The following RANBP2 variants were observed in gnomAD, a reference collection of about 807,000 sequenced individuals.
RANBP2 encodes the protein E3 SUMO-protein ligase RanBP2.
Under a neutral mutation model 303.6 loss-of-function variants are expected in RANBP2, and 57 were observed. The ratio of observed to expected loss-of-function variants is 0.19; its 90% CI spans 0.15 to 0.23. The LOEUF is 0.23. RANBP2 is among the 10% of genes least tolerant of loss of function. The probability of loss-of-function intolerance (pLI) is 1.00; values close to 1 mark genes in which losing one functional copy is unlikely to be tolerated. For synonymous variants in RANBP2, 1,167 were observed against 1,301.5 expected (o/e 0.90, Z 2.23); for missense variants, 3,138 against 3,780.8 (o/e 0.83, Z 4.46).
the RANBP2 span, among the ~76,000 whole-genome samples, chr2:109,607,798 G>C: frequency 1.3e-5 from 2 of 152,052 alleles, no homozygotes; most frequent in African/African-American, 2.4e-5. Flanking sequence ...TTCACCCCTA[G>C]GGAAACTCTG....
chr2:109,439,255 G>A, the RANBP2 span, among the ~76,000 whole-genome samples: 1 of 152,172 alleles, frequency 6.6e-6, no homozygotes, highest in Non-Finnish European at 1.5e-5. Flanking sequence ...TACACACGGG[G>A]AGAGTGAGGC....
At chr2:109,121,178 T>C in the RANBP2 span, among the ~76,000 whole-genome samples, 6 of 151,376 alleles carry the variant, frequency 4.0e-5, no homozygotes, top group Non-Finnish European at 7.4e-5. Flanking sequence ...GCCCAGGAGG[T>C]GGAGCTTGCA....
the RANBP2 span, among the ~76,000 whole-genome samples, chr2:109,477,488 C>A: frequency 6.6e-6 from 1 of 152,218 alleles, no homozygotes; most frequent in African/African-American, 2.4e-5. Flanking sequence ...AGGCCCCCTC[C>A]CGCCAGACAC....
the RANBP2 span, among the ~76,000 whole-genome samples, chr2:109,328,005 T>C: frequency 6.6e-6 from 1 of 152,254 alleles, no homozygotes; most frequent in African/African-American, 2.4e-5. Context: ...GTGCCAAGCT[T>C]ATTCCATATG....
the RANBP2 span, among the ~76,000 whole-genome samples, chr2:109,219,131 C>A: frequency 1.6e-4 from 24 of 152,302 alleles, no homozygotes; most frequent in Non-Finnish European, 2.8e-4. Context: ...GGAGTTCCAC[C>A]TCTCTCGCTC....
At chr2:109,501,554 G>A in the RANBP2 span, 1 of 779,664 alleles carries the variant, frequency 1.3e-6, no homozygotes, top group Non-Finnish European at 2.4e-6. Context: ...AGATCGAGCT[G>A]AAGGAAGGCG....
At chr2:109,672,095 C>T in the RANBP2 span, among the ~76,000 whole-genome samples, 10 of 152,190 alleles carry the variant, frequency 6.6e-5, no homozygotes, top group South Asian at 1.9e-3. Flanking sequence ...AAACTACTCA[C>T]CAGTGTGTTG....
chr2:109,432,321 G>A, the RANBP2 span, among the ~76,000 whole-genome samples: 1 of 152,208 alleles, frequency 6.6e-6, no homozygotes, highest in Non-Finnish European at 1.5e-5. Flanking sequence ...TCGTGGGTTT[G>A]TTATGAGGAG....
chr2:109,003,935 G>C, the RANBP2 span, among the ~76,000 whole-genome samples: 3 of 152,248 alleles, frequency 2.0e-5, no homozygotes, highest in African/African-American at 7.2e-5. Context: ...CTCATGGAGT[G>C]GTGAGGTCTC....
At chr2:108,794,214 A>C in the RANBP2 span, among the ~76,000 whole-genome samples, 1 of 152,174 alleles carries the variant, frequency 6.6e-6, no homozygotes, top group Non-Finnish European at 1.5e-5. Flanking sequence ...TTTAGGGGAG[A>C]GAGGGGAACA....
the RANBP2 span, among the ~76,000 whole-genome samples, chr2:109,153,280 T>C: frequency 7.9e-5 from 12 of 152,238 alleles, no homozygotes; most frequent in Non-Finnish European, 1.8e-4. Context: ...TGTAGGTGTT[T>C]AAGCTGTCAC....
At chr2:109,506,590 G>A in the RANBP2 span, among the ~76,000 whole-genome samples, 1 of 152,196 alleles carries the variant, frequency 6.6e-6, no homozygotes, top group Non-Finnish European at 1.5e-5. Context: ...TCTGCATAGA[G>A]TTGTCACATA....
chr2:109,661,656 G>A, the RANBP2 span, among the ~76,000 whole-genome samples: 1 of 152,174 alleles, frequency 6.6e-6, no homozygotes, highest in Non-Finnish European at 1.5e-5. Flanking sequence ...ACTGGAAAAG[G>A]TAGATAAGGG....
chr2:109,125,237 G>A, the RANBP2 span, among the ~76,000 whole-genome samples: 1 of 152,192 alleles, frequency 6.6e-6, no homozygotes. Context: ...CTCCCAGAGT[G>A]TGGTGGGGGA....
the RANBP2 span, among the ~76,000 whole-genome samples, chr2:109,655,682 C>CA: frequency 6.6e-6 from 1 of 151,982 alleles, no homozygotes; most frequent in Non-Finnish European, 1.5e-5. Flanking sequence ...ACAATAACAA[C>CA]AAAAAACCCT....
At chr2:108,980,734 G>T in the RANBP2 span, among the ~76,000 whole-genome samples, 4 of 152,056 alleles carry the variant, frequency 2.6e-5, no homozygotes, top group Admixed American at 2.6e-4. Context: ...GCGCGTTTTG[G>T]GCAGAGGGAA....
At chr2:109,069,366 A>G in the RANBP2 span, among the ~76,000 whole-genome samples, 2 of 152,256 alleles carry the variant, frequency 1.3e-5, no homozygotes, top group African/African-American at 2.4e-5. Flanking sequence ...ATCAAAAGGC[A>G]TATGGTAGTA....
chr2:108,786,631 A>G, downstream of RANBP2: 1 of 620,376 alleles, frequency 1.6e-6, no homozygotes, highest in Non-Finnish European at 2.9e-6. Context: ...GTGTAGTGCT[A>G]GCACGAGAAA....
chr2:109,338,529 C>T, the RANBP2 span, among the ~76,000 whole-genome samples: 5 of 152,030 alleles, frequency 3.3e-5, no homozygotes, highest in African/African-American at 1.2e-4. Context: ...GGCAACAACC[C>T]CCGGCACAGT....
Sources: allele counts gnomAD v4.1 joint callset (sites outside exome capture counted in the v4.1 genomes callset), GRCh38; gene constraint gnomAD v4.1.1; transcripts MANE v1.5; gene names NCBI Gene and HGNC (gene_info 2026-07-23, HGNC 2026-07-21).